Variants in USP32 observed in about 807,000 individuals in gnomAD.
USP32 encodes the protein ubiquitin specific peptidase 32.
A neutral mutation model predicts 204.8 loss-of-function variants in USP32; 59 were observed. That is an observed-to-expected ratio of 0.29 (90% CI 0.23 to 0.36). The LOEUF (loss-of-function observed/expected upper bound fraction) is 0.36. USP32 is among the 10% of genes least tolerant of loss of function. The probability of loss-of-function intolerance (pLI) is 1.00; values close to 1 mark genes in which losing one functional copy is unlikely to be tolerated. For missense variants in USP32, 1,160 were observed against 1,946.4 expected, an observed-to-expected ratio of 0.60 and a Z score of 7.60; for synonymous variants, 517 against 678.4, an observed-to-expected ratio of 0.76 and a Z score of 3.70.
At chr17:60,190,530 A>C in intron 29 of USP32, 33 bp downstream of exon 29, 1 of 1,514,222 alleles carries the variant, frequency 6.6e-7, no homozygotes, top group Non-Finnish European at 8.8e-7. Flanking sequence ...CTCATATAAA[A>C]ACCACCATTT....
intron 2 of USP32, among the ~76,000 whole-genome samples, chr17:60,309,150 G>A (rs2087796794): frequency 6.6e-6 from 1 of 152,106 alleles, no homozygotes; most frequent in African/African-American, 2.4e-5. Context: ...ATTTGATCAA[G>A]CTAAAAACTT....
intron 2 of USP32, among the ~76,000 whole-genome samples, chr17:60,317,263 C>G (rs1263709442): frequency 6.6e-6 from 1 of 152,056 alleles, no homozygotes; most frequent in Non-Finnish European, 1.5e-5. Context: ...CCTATAACCC[C>G]AGCACTTTGG....
intron 1 of USP32, among the ~76,000 whole-genome samples, chr17:60,370,780 A>G (rs2089424236): frequency 6.6e-6 from 1 of 151,552 alleles, no homozygotes; most frequent in African/African-American, 2.4e-5. Flanking sequence ...AAAAAAAAAA[A>G]AAAGAAGAAA....
intron 26 of USP32, among the ~76,000 whole-genome samples, 199 bp downstream of exon 26, chr17:60,205,248 T>C (rs2084793413): frequency 1.3e-5 from 2 of 152,062 alleles, no homozygotes; most frequent in South Asian, 4.1e-4. Flanking sequence ...TATAATACAT[T>C]GAAAATGCAT....
Position 60,200,044 on chromosome 17 carries a change from AT to A in USP32, c.3250-1601del, listed in dbSNP as rs1231836201. Among the ~76,000 whole-genome samples, 3 of 151,946 alleles carry A rather than the reference AT, an allele frequency of 2.0e-5. 1 individual carries two copies. Among genetic ancestry groups the A allele is most frequent in the South Asian group, 2.1e-4 (1 of 4,818 alleles). On this transcript the variant is annotated intron_variant, in intron 26 of 33. Coordinates refer to ENST00000300896, the MANE Select transcript of USP32 (RefSeq NM_032582.4). ...CCCTGTCTCTACTAAAAACACAAAA[AT>A]TATCTGGGCATGGTGGCAGGCACCT...
At chr17:60,306,402 C>T (rs967603673) in intron 2 of USP32, among the ~76,000 whole-genome samples, 1 of 152,134 alleles carries the variant, frequency 6.6e-6, no homozygotes, top group Non-Finnish European at 1.5e-5. Context: ...CTTTGGAAAG[C>T]CGAGGGGGGT....
chr17:60,375,876 C>G (rs1424128284), intron 1 of USP32, among the ~76,000 whole-genome samples: 5 of 151,966 alleles, frequency 3.3e-5, no homozygotes, highest in African/African-American at 1.2e-4. Flanking sequence ...CCAAAGTGCT[C>G]GGATTACAGG....
intron 1 of USP32, among the ~76,000 whole-genome samples, chr17:60,415,491 T>G (rs1360390217): frequency 6.6e-6 from 1 of 152,206 alleles, no homozygotes; most frequent in Non-Finnish European, 1.5e-5. Flanking sequence ...AGGTTAGACT[T>G]GTTAGATCCT....
Position 60,288,370 on chromosome 17 carries a change from G to T in USP32, c.571+153C>A, listed in dbSNP as rs186434694. On this transcript the variant is annotated intron_variant, in intron 5 of 33. Coordinates refer to ENST00000300896, the MANE Select transcript of USP32 (RefSeq NM_032582.4). ...TGAGAGGACTGCTTGAGCCCAGGAA[G>T]TTGAGACTGCCGTAAGCCACGATGG... is the stretch of plus-strand genomic sequence containing the variant. Among the ~76,000 whole-genome samples, 899 of 152,200 alleles carry T rather than the reference G, an allele frequency of 5.9e-3. 5 individuals are homozygous for T. The highest frequency in any genetic ancestry group is 0.02 in the Middle Eastern group (6 of 294).
At chr17:60,234,911 G>A (rs901989194) in intron 12 of USP32, among the ~76,000 whole-genome samples, 10 of 152,040 alleles carry the variant, frequency 6.6e-5, no homozygotes, top group African/African-American at 2.4e-4. Flanking sequence ...ACAGACGCAT[G>A]CTAGAAAATA....
intron 1 of USP32, among the ~76,000 whole-genome samples, chr17:60,390,211 T>C (rs2089806384): frequency 6.6e-6 from 1 of 152,236 alleles, no homozygotes; most frequent in South Asian, 2.1e-4. Flanking sequence ...CTTAGTTTGA[T>C]AGGAGATTAA....
At chr17:60,228,501 CTT>C (rs1018176786) in intron 12 of USP32, among the ~76,000 whole-genome samples, 30 of 104,042 alleles carry the variant, frequency 2.9e-4, no homozygotes, top group Admixed American at 5.3e-4. Context: ...TTTTCTTTTT[CTT>C]TTTTTTTTTT....
chr17:60,325,062 A>T (rs2088200859), intron 2 of USP32, among the ~76,000 whole-genome samples: 1 of 152,210 alleles, frequency 6.6e-6, no homozygotes. Flanking sequence ...TGTTATGAAA[A>T]CTAAGCATAG....
chr17:60,275,908 T>A, intron 5 of USP32, among the ~76,000 whole-genome samples: 1 of 146,532 alleles, frequency 6.8e-6, no homozygotes, highest in African/African-American at 2.7e-5. Context: ...AGACCTTGTC[T>A]CTATTTAAAA....
At position 60,198,439 on chromosome 17, in the gene USP32, C is replaced by T; in HGVS notation, c.3255G>A (p.Arg1085=). The T allele has an allele frequency of 6.2e-7, 1 of 1,614,050 alleles. No individual in the cohort carries two copies. Among genetic ancestry groups the T allele is most frequent in the Non-Finnish European group, 8.5e-7 (1 of 1,179,970 alleles). Reference sequence around the variant, plus strand: ...GAGATGACAGGAAATACAGTTCTGTCCTCATCTGTATGTACAAACAAGAGA... The same window carrying T: ...GAGATGACAGGAAATACAGTTCTGTTCTCATCTGTATGTACAAACAAGAGA... ...YIIAVHRKMM[R]TELYFLSSQK... The change falls in exon 27 of 34, where the codon AGG becomes AGA. Residue 1085 remains arginine, a synonymous_variant. Coordinates refer to ENST00000300896, the MANE Select transcript of USP32 (RefSeq NM_032582.4).
intron 12 of USP32, among the ~76,000 whole-genome samples, chr17:60,232,864 A>C (rs1463952719): frequency 6.6e-6 from 1 of 152,072 alleles, no homozygotes. Context: ...AGAAATTTAA[A>C]TCCTCATATA....
At chr17:60,195,012 T>G (rs2084476984) in intron 27 of USP32, among the ~76,000 whole-genome samples, 1 of 152,234 alleles carries the variant, frequency 6.6e-6, no homozygotes, top group East Asian at 1.9e-4. Context: ...GAACATCCCA[T>G]GTATTCATTA....
intron 16 of USP32, among the ~76,000 whole-genome samples, chr17:60,215,363 G>C (rs1294309735): frequency 6.6e-6 from 1 of 151,876 alleles, no homozygotes; most frequent in Non-Finnish European, 1.5e-5. Flanking sequence ...GCAATATTTG[G>C]ATACCAAGAA....
chr17:60,238,604 A>G (rs62084566), intron 11 of USP32, among the ~76,000 whole-genome samples: 5,130 of 152,126 alleles, frequency 0.034, 140 homozygotes, highest in South Asian at 0.071. Context: ...GGAGTTCGAG[A>G]CCTGCCTGAC....
Sources: allele counts gnomAD v4.1 joint callset (sites outside exome capture counted in the v4.1 genomes callset), GRCh38; gene constraint gnomAD v4.1.1; transcripts MANE v1.5; gene names NCBI Gene and HGNC (gene_info 2026-07-23, HGNC 2026-07-21).